The following HEMK2 variants were observed in gnomAD, a reference collection of about 807,000 sequenced individuals.
HEMK2 encodes HemK methyltransferase 2, ETF1 glutamine and histone H4 lysine, also known as methyltransferase HEMK2.
At chr21:28,788,238 G>A in the HEMK2 span, among the ~76,000 whole-genome samples, 88 of 109,910 alleles carry the variant, frequency 8.0e-4, no homozygotes, top group African/African-American at 5.0e-3. Context: ...ACGTATATAC[G>A]TATATATGTA....
chr21:28,794,656 T>C, the HEMK2 span, among the ~76,000 whole-genome samples: 4 of 152,262 alleles, frequency 2.6e-5, no homozygotes, highest in East Asian at 3.8e-4. Flanking sequence ...ACATATTGTA[T>C]GACAAGCTTG....
the HEMK2 span, among the ~76,000 whole-genome samples, chr21:28,841,006 A>T: frequency 1.7e-5 from 2 of 114,428 alleles, no homozygotes; most frequent in Non-Finnish European, 3.4e-5. Context: ...TATATATATT[A>T]TATATATAAT....
the HEMK2 span, among the ~76,000 whole-genome samples, chr21:28,670,063 A>G: frequency 6.6e-6 from 1 of 152,218 alleles, no homozygotes; most frequent in Admixed American, 6.6e-5. Context: ...AGAAAATAGG[A>G]ATATTTAGGT....
the HEMK2 span, among the ~76,000 whole-genome samples, chr21:28,880,920 CATTTA>C: frequency 2.0e-5 from 2 of 98,042 alleles, no homozygotes; most frequent in Non-Finnish European, 3.6e-5. Flanking sequence ...GCTACAAAAT[CATTTA>C]TTTAAAAAAA....
the HEMK2 span, among the ~76,000 whole-genome samples, chr21:28,623,133 C>G: frequency 6.6e-6 from 1 of 151,900 alleles, no homozygotes; most frequent in Admixed American, 6.6e-5. Flanking sequence ...GGAACTTAAA[C>G]AAATTTACAA....
chr21:28,797,465 A>G, the HEMK2 span, among the ~76,000 whole-genome samples: 82 of 151,534 alleles, frequency 5.4e-4, no homozygotes, highest in African/African-American at 1.9e-3. Context: ...CAAAAAACAA[A>G]CAAAAAAACA....
the HEMK2 span, among the ~76,000 whole-genome samples, chr21:28,712,702 T>C: frequency 6.6e-6 from 1 of 152,184 alleles, no homozygotes; most frequent in Non-Finnish European, 1.5e-5. Context: ...AGAGCATACA[T>C]TTCATTCCAT....
the HEMK2 span, among the ~76,000 whole-genome samples, chr21:28,686,331 T>C: frequency 6.6e-6 from 1 of 152,054 alleles, no homozygotes; most frequent in East Asian, 1.9e-4. Context: ...GCCTCCCAGG[T>C]TCAAGCGACT....
At chr21:28,613,201 T>C in the HEMK2 span, among the ~76,000 whole-genome samples, 764 of 152,176 alleles carry the variant, frequency 5.0e-3, 6 homozygotes, top group African/African-American at 0.018. Flanking sequence ...CTGTACATAA[T>C]ATGTATCTGT....
the HEMK2 span, among the ~76,000 whole-genome samples, chr21:28,625,086 C>G: frequency 6.6e-6 from 1 of 152,190 alleles, no homozygotes; most frequent in Admixed American, 6.5e-5. Context: ...CTAAGTCATG[C>G]ACCCAACTTA....
the HEMK2 span, among the ~76,000 whole-genome samples, chr21:28,750,730 A>G: frequency 6.9e-4 from 105 of 151,444 alleles, no homozygotes; most frequent in Non-Finnish European, 1.3e-3. Flanking sequence ...AGGCAAACAA[A>G]GTCTCAGAGA....
the HEMK2 span, among the ~76,000 whole-genome samples, chr21:28,850,102 G>T: frequency 6.6e-6 from 1 of 151,244 alleles, no homozygotes; most frequent in Admixed American, 6.6e-5. Context: ...AAATGTTAAA[G>T]ACAGCTACAG....
chr21:28,784,939 T>C, the HEMK2 span, among the ~76,000 whole-genome samples: 1 of 152,164 alleles, frequency 6.6e-6, no homozygotes, highest in Non-Finnish European at 1.5e-5. Context: ...CCTTATGAGC[T>C]ATAACACTCA....
At chr21:28,828,271 A>G in the HEMK2 span, among the ~76,000 whole-genome samples, 1 of 152,166 alleles carries the variant, frequency 6.6e-6, no homozygotes, top group Admixed American at 6.5e-5. Context: ...GTAAGTAAGG[A>G]GGAAGGGGTG....
At chr21:28,695,917 G>A in the HEMK2 span, among the ~76,000 whole-genome samples, 2 of 152,062 alleles carry the variant, frequency 1.3e-5, no homozygotes, top group African/African-American at 2.4e-5. Flanking sequence ...TACAATGGGG[G>A]TTGTATCAGT....
the HEMK2 span, among the ~76,000 whole-genome samples, chr21:28,789,373 A>G: frequency 6.6e-6 from 1 of 152,210 alleles, no homozygotes; most frequent in African/African-American, 2.4e-5. Flanking sequence ...TGGATGCCCA[A>G]CTGAAAGCCA....
chr21:28,730,963 T>C, the HEMK2 span, among the ~76,000 whole-genome samples: 1 of 151,402 alleles, frequency 6.6e-6, no homozygotes, highest in East Asian at 2.0e-4. Context: ...GGCCTCCCTC[T>C]ACCCCATCCC....
At chr21:28,877,997 A>G in the HEMK2 span, among the ~76,000 whole-genome samples, 1 of 152,188 alleles carries the variant, frequency 6.6e-6, no homozygotes, top group African/African-American at 2.4e-5. Context: ...ACTTTTTAAA[A>G]TCAGAAAAAT....
chr21:28,855,509 T>C, the HEMK2 span, among the ~76,000 whole-genome samples: 1 of 152,214 alleles, frequency 6.6e-6, no homozygotes, highest in African/African-American at 2.4e-5. Context: ...AACTCAACAC[T>C]TGACCAAATG....
Sources: allele counts gnomAD v4.1 joint callset (sites outside exome capture counted in the v4.1 genomes callset), GRCh38; gene constraint gnomAD v4.1.1; transcripts MANE v1.5; gene names NCBI Gene and HGNC (gene_info 2026-07-23, HGNC 2026-07-21).